The following HECW1 variants were observed in gnomAD, a reference collection of about 807,000 sequenced individuals.
HECW1 encodes E3 ubiquitin-protein ligase HECW1.
HECW1 carries 61 observed loss-of-function variants against 182.3 expected under a neutral mutation model. The ratio of observed to expected loss-of-function variants is 0.33; its 90% CI spans 0.27 to 0.41. HECW1 has a LOEUF of 0.41. Ranked by LOEUF, HECW1 falls within the 10% of genes least tolerant of loss-of-function variation. The pLI is 1.00. For missense variants in HECW1, 1,739 were observed against 2,108.9 expected (o/e 0.82, Z 3.44); for synonymous variants, 859 against 832.6 (o/e 1.03, Z -0.55).
At chr7:43,208,960 G>A (rs1253809925) in intron 2 of HECW1, among the ~76,000 whole-genome samples, 2 of 152,152 alleles carry the variant, frequency 1.3e-5, no homozygotes, top group African/African-American at 4.8e-5. Context: ...AAGTCACCCT[G>A]GCTTTTAGAA....
chr7:43,231,540 G>T (rs1428622116), intron 2 of HECW1, among the ~76,000 whole-genome samples: 2 of 152,154 alleles, frequency 1.3e-5, no homozygotes, highest in African/African-American at 4.8e-5. Context: ...GTAGATTCAA[G>T]GTGACTATGT....
intron 2 of HECW1, among the ~76,000 whole-genome samples, chr7:43,147,990 A>G (rs1281711649): frequency 6.6e-6 from 1 of 152,234 alleles, no homozygotes; most frequent in East Asian, 1.9e-4. Flanking sequence ...TCATCCCCCA[A>G]AGGCATAATA....
chr7:43,487,283 C>T (rs2078682359), intron 17 of HECW1, among the ~76,000 whole-genome samples: 3 of 152,188 alleles, frequency 2.0e-5, no homozygotes, highest in Non-Finnish European at 4.4e-5. Context: ...CATTGAAGAG[C>T]AGCTTGTTTA....
chr7:43,350,104 T>C (rs1814223495), intron 5 of HECW1, among the ~76,000 whole-genome samples: 1 of 152,222 alleles, frequency 6.6e-6, no homozygotes. Flanking sequence ...AGAGACTATA[T>C]CTTTCCTTCA....
rs139724707 is a variant in HECW1 at position 43,426,872 on chromosome 7, G to A, written c.802-11131G>A. On this transcript the variant is annotated intron_variant, in intron 8 of 29. Transcript: ENST00000395891. The stretch of plus-strand genomic sequence containing the variant: ...TATATATGCTTTCTATTTATTTTCA[G>A]AATGTTTTCATAGTAATATACCCAA... Among the ~76,000 whole-genome samples the A allele has an allele frequency of 5.3e-5, 8 of 151,720 alleles. No homozygotes were observed. In the South Asian group the frequency reaches 1.7e-3, roughly 32 times the overall value.
intron 21 of HECW1, 44 bp from the exon 22 acceptor site, chr7:43,507,093 G>C (rs2079613216): frequency 6.9e-6 from 11 of 1,584,000 alleles, no homozygotes; most frequent in Non-Finnish European, 9.4e-6. Context: ...AGAAGAAGAA[G>C]AAGAAGAAAG....
At chr7:43,389,693 T>G (rs949637577) in intron 6 of HECW1, among the ~76,000 whole-genome samples, 1 of 152,042 alleles carries the variant, frequency 6.6e-6, no homozygotes, top group Non-Finnish European at 1.5e-5. Context: ...CAGGCTGGAG[T>G]GCAGTGGTGT....
At chr7:43,400,735 A>G (rs2075377996) in intron 7 of HECW1, among the ~76,000 whole-genome samples, 1 of 152,224 alleles carries the variant, frequency 6.6e-6, no homozygotes, top group South Asian at 2.1e-4. Context: ...TCTTGCTGCT[A>G]TAACAAATTG....
intron 6 of HECW1, among the ~76,000 whole-genome samples, chr7:43,376,379 A>G (rs1290540591): frequency 1.3e-5 from 2 of 152,052 alleles, no homozygotes; most frequent in Admixed American, 6.5e-5. Flanking sequence ...AAGTATAGCA[A>G]GTCTCCCTGG....
intron 8 of HECW1, among the ~76,000 whole-genome samples, chr7:43,416,892 A>C (rs905330375): frequency 7.9e-5 from 12 of 151,844 alleles, no homozygotes; most frequent in African/African-American, 2.9e-4. Context: ...CGGCTCGAGC[A>C]CGGTGTGCGC....
intron 2 of HECW1, among the ~76,000 whole-genome samples, chr7:43,229,644 A>AG (rs1797718002): frequency 1.3e-5 from 2 of 151,944 alleles, no homozygotes; most frequent in Non-Finnish European, 2.9e-5. Context: ...TAAAAAAAAA[A>AG]TTAATGGGCT....
Position 43,199,590 on chromosome 7 carries a change from A to G in HECW1, c.-31-44285A>G, listed in dbSNP as rs571717767. Among the ~76,000 whole-genome samples the G allele has an allele frequency of 4.6e-5, 7 of 152,312 alleles. No individual in the cohort carries two copies. The East Asian group carries it at 1.3e-3, about 29-fold the overall frequency. On this transcript the variant is annotated intron_variant, in intron 2 of 29. Transcript: ENST00000395891. Reference sequence around the variant, plus strand: ...ATGTCCTGTCAACAAAAATAAGTACATAGTGGGAATTAGATTTTTTTAATT... The same window carrying G: ...ATGTCCTGTCAACAAAAATAAGTACGTAGTGGGAATTAGATTTTTTTAATT...
intron 5 of HECW1, among the ~76,000 whole-genome samples, chr7:43,336,167 TCTCTCTCTCTC>T (rs1812242859): frequency 8.1e-6 from 1 of 123,702 alleles, no homozygotes; most frequent in Non-Finnish European, 1.7e-5. Context: ...TCTCTCTCTC[TCTCTCTCTCTC>T]TCTCTCTCTC....
chr7:43,270,898 GA>G (rs1225068518), intron 3 of HECW1, among the ~76,000 whole-genome samples: 2 of 152,236 alleles, frequency 1.3e-5, no homozygotes, highest in Admixed American at 1.3e-4. Context: ...AGATAACTTT[GA>G]AAAGAAGTAT....
chr7:43,203,387 T>G lies in HECW1; in HGVS notation c.-31-40488T>G, dbSNP rs192041201. On this transcript the variant is annotated intron_variant, in intron 2 of 29. Transcript: ENST00000395891. ...TTTCTTTTCCTTCTTCGATTATTTT[T>G]TAAAGATAATTCCTGGAGTGAGATT... Among the ~76,000 whole-genome samples, 125 of 152,194 alleles carry G rather than the reference T, an allele frequency of 8.2e-4. 1 individual carries two copies. The highest frequency in any genetic ancestry group is 1.6e-3 in the Non-Finnish European group (108 of 68,020).
intron 2 of HECW1, among the ~76,000 whole-genome samples, chr7:43,148,240 A>G (rs1339534057): frequency 6.6e-6 from 1 of 152,152 alleles, no homozygotes; most frequent in Non-Finnish European, 1.5e-5. Context: ...AATGGACATC[A>G]AGGTTGTCCC....
intron 6 of HECW1, among the ~76,000 whole-genome samples, chr7:43,375,142 C>T (rs903685593): frequency 6.6e-6 from 1 of 152,052 alleles, no homozygotes; most frequent in African/African-American, 2.4e-5. Flanking sequence ...CAAAAGGAGC[C>T]AAGGGGTTCC....
At chr7:43,401,439 A>G (rs113978915) in intron 7 of HECW1, among the ~76,000 whole-genome samples, 1 of 152,216 alleles carries the variant, frequency 6.6e-6, no homozygotes, top group Non-Finnish European at 1.5e-5. Context: ...GAACAGAAAC[A>G]GTAATAGAAG....
chr7:43,519,481 T>C (rs1483603415), intron 24 of HECW1, among the ~76,000 whole-genome samples: 1 of 152,146 alleles, frequency 6.6e-6, no homozygotes, highest in Admixed American at 6.5e-5. Context: ...CCTGACTTCA[T>C]GATTGGCCCG....
Sources: allele counts gnomAD v4.1 joint callset (sites outside exome capture counted in the v4.1 genomes callset), GRCh38; gene constraint gnomAD v4.1.1; transcripts MANE v1.5; gene names NCBI Gene and HGNC (gene_info 2026-07-23, HGNC 2026-07-21).